Variants in PHACTR1 observed in about 807,000 individuals in gnomAD.
The protein encoded by PHACTR1 is phosphatase and actin regulator 1.
In PHACTR1, 16 loss-of-function variants were observed where a neutral mutation model predicts 69.2. The observed-to-expected ratio is 0.23, with a 90% CI of 0.16 to 0.35. The LOEUF is 0.35. Ranked by LOEUF, PHACTR1 falls within the 10% of genes least tolerant of loss-of-function variation. PHACTR1 has a pLI of 1.00. For synonymous variants in PHACTR1, 312 were observed against 284.5 expected, an observed-to-expected ratio of 1.10 and a Z score of -0.97; for missense variants, 510 against 734.7, an observed-to-expected ratio of 0.69 and a Z score of 3.54.
chr6:13,063,779 GAAA>G (rs201447462), intron 5 of PHACTR1, among the ~76,000 whole-genome samples: 1 of 139,644 alleles, frequency 7.2e-6, no homozygotes. Context: ...GACCCTGTCT[GAAA>G]AAAAAAAAAA....
chr6:12,806,110 G>C (rs1191510394), intron 4 of PHACTR1, among the ~76,000 whole-genome samples: 1 of 151,982 alleles, frequency 6.6e-6, no homozygotes, highest in East Asian at 1.9e-4. Context: ...GTCTTTTGTA[G>C]AAATCCTCTC....
chr6:12,780,029 AAAGAG>A (rs1770612290), intron 4 of PHACTR1, among the ~76,000 whole-genome samples: 1 of 152,204 alleles, frequency 6.6e-6, no homozygotes, highest in Non-Finnish European at 1.5e-5. Flanking sequence ...AGAGAAAAGG[AAAGAG>A]AAGAGAAATG....
intron 4 of PHACTR1, among the ~76,000 whole-genome samples, chr6:12,789,747 T>G (rs1183482215): frequency 6.6e-6 from 1 of 151,730 alleles, no homozygotes; most frequent in Non-Finnish European, 1.5e-5. Context: ...TTTCTTTCTT[T>G]TTTTATTTTT....
intron 5 of PHACTR1, among the ~76,000 whole-genome samples, chr6:13,081,052 A>G (rs577870361): frequency 6.6e-6 from 1 of 152,330 alleles, no homozygotes; most frequent in African/African-American, 2.4e-5. Flanking sequence ...ATAAGAATAG[A>G]GAGTAGTCCA....
At chr6:12,944,727 A>G (rs192617655) in intron 4 of PHACTR1, among the ~76,000 whole-genome samples, 111 of 152,238 alleles carry the variant, frequency 7.3e-4, no homozygotes, top group Middle Eastern at 3.4e-3. Context: ...GGATGAAAGG[A>G]GCGGTGAAGA....
In PHACTR1 at chr6:13,000,741, T is replaced by C. The variant is rs560521195; in HGVS notation, c.251-52624T>C. On this transcript the variant is annotated intron_variant, in intron 4 of 14. Transcript: ENST00000332995. Reference sequence around the variant, plus strand: ...TGCAGCTATAGAGGAAGATTAAGCCTGTCTTGGCTGCAGGTCACCATTTGT... The same window carrying C: ...TGCAGCTATAGAGGAAGATTAAGCCCGTCTTGGCTGCAGGTCACCATTTGT... 3.9e-5 allele frequency among the ~76,000 whole-genome samples: 6 copies of C among 152,222 alleles called. No homozygotes were observed. The East Asian group carries it at 1.2e-3, about 29-fold the overall frequency.
chr6:13,201,042 C>A (rs1357725095), intron 7 of PHACTR1, among the ~76,000 whole-genome samples: 6 of 152,116 alleles, frequency 3.9e-5, no homozygotes, highest in Non-Finnish European at 1.5e-5. Context: ...CATTGTGATT[C>A]TGATGCACCC....
intron 4 of PHACTR1, among the ~76,000 whole-genome samples, chr6:12,886,269 A>AG: frequency 6.6e-6 from 1 of 151,342 alleles, no homozygotes; most frequent in East Asian, 1.9e-4. Context: ...TAAAAAAAAA[A>AG]GGCAACTTAA....
intron 4 of PHACTR1, among the ~76,000 whole-genome samples, chr6:12,914,805 G>T (rs1460116923): frequency 6.6e-6 from 1 of 152,192 alleles, no homozygotes; most frequent in Non-Finnish European, 1.5e-5. Flanking sequence ...TAGAGCTAAG[G>T]AAAAGTAGGC....
chr6:12,723,348 T>TC (rs1298690974), intron 3 of PHACTR1, among the ~76,000 whole-genome samples: 1 of 152,130 alleles, frequency 6.6e-6, no homozygotes, highest in East Asian at 1.9e-4. Context: ...ATGTAGCATC[T>TC]CAGGCCCCAC....
intron 5 of PHACTR1, among the ~76,000 whole-genome samples, chr6:13,085,314 T>C (rs2127809005): frequency 6.6e-6 from 1 of 152,146 alleles, no homozygotes; most frequent in East Asian, 1.9e-4. Flanking sequence ...TAAAATGTTA[T>C]TCAAAATTAA....
In PHACTR1 at chr6:12,820,237, G is replaced by A. The variant is rs57764802; in HGVS notation, c.250+70447G>A. ...CGCTCTGTTGCCAAGGCTGGAGTGC[G>A]GTGGTGGGATCTCGGTTCACTGCAC... On this transcript the variant is annotated intron_variant, in intron 4 of 14. Coordinates refer to ENST00000332995, the MANE Select transcript of PHACTR1 (RefSeq NM_030948.6). 6.9e-3 allele frequency among the ~76,000 whole-genome samples: 1,052 copies of A among 152,106 alleles called. 25 individuals are homozygous for A. The East Asian group carries it at 0.092, about 13-fold the overall frequency.
intron 4 of PHACTR1, among the ~76,000 whole-genome samples, chr6:13,045,786 G>A (rs912445096): frequency 6.6e-6 from 1 of 152,216 alleles, no homozygotes; most frequent in Non-Finnish European, 1.5e-5. Context: ...AGTGCAGGAG[G>A]CAGCAGTACA....
chr6:12,861,356 C>T (rs1780920802), intron 4 of PHACTR1, among the ~76,000 whole-genome samples: 1 of 152,224 alleles, frequency 6.6e-6, no homozygotes, highest in African/African-American at 2.4e-5. Context: ...CACACAGGTC[C>T]TGTTAACCAA....
At chr6:13,271,699 T>G (rs912526529) in intron 10 of PHACTR1, among the ~76,000 whole-genome samples, 13 of 145,870 alleles carry the variant, frequency 8.9e-5, no homozygotes, top group African/African-American at 2.3e-4. Flanking sequence ...TTTTTGTTTG[T>G]TTTTTTTTTT....
At chr6:13,015,863 AG>A (rs1484816847) in intron 4 of PHACTR1, among the ~76,000 whole-genome samples, 1 of 152,242 alleles carries the variant, frequency 6.6e-6, no homozygotes, top group Non-Finnish European at 1.5e-5. Flanking sequence ...ATCACCTGAT[AG>A]GATTATTTAC....
chr6:13,073,045 G>T (rs1178844594), intron 5 of PHACTR1, among the ~76,000 whole-genome samples: 1 of 151,986 alleles, frequency 6.6e-6, no homozygotes, highest in East Asian at 1.9e-4. Flanking sequence ...TTATACTCCT[G>T]CTGTGAATGT....
chr6:13,284,289 G>A (rs987899270), intron 13 of PHACTR1, among the ~76,000 whole-genome samples: 5 of 151,684 alleles, frequency 3.3e-5, no homozygotes, highest in African/African-American at 7.3e-5. Context: ...AGGCCGAGGC[G>A]GGTAGATCAC....
At chr6:12,857,690 G>T (rs1780538584) in intron 4 of PHACTR1, among the ~76,000 whole-genome samples, 1 of 152,136 alleles carries the variant, frequency 6.6e-6, no homozygotes, top group Non-Finnish European at 1.5e-5. Context: ...ATGAATTTGG[G>T]TTATTTTGTT....
Sources: gnomAD v4.1 joint callset for allele counts (sites outside exome capture counted in the v4.1 genomes callset) on GRCh38, gnomAD v4.1.1 for gene constraint, MANE v1.5 for transcripts, NCBI Gene and HGNC (gene_info 2026-07-23, HGNC 2026-07-21) for gene names.